ERBIN: variants seen among roughly 807,000 people sequenced by gnomAD.
ERBIN encodes the protein densin-180-like protein.
In ERBIN, 60 loss-of-function variants were observed where a neutral mutation model predicts 158.4. That is an observed-to-expected ratio of 0.38 (90% CI 0.31 to 0.47). ERBIN has a LOEUF of 0.47. ERBIN is among the 20% of genes least tolerant of loss of function. The pLI is 0.99. For synonymous variants in ERBIN, 594 were observed against 557.2 expected (o/e 1.07, Z -0.93); for missense variants, 1,610 against 1,648.0 (o/e 0.98, Z 0.40).
At position 66,078,755 on chromosome 5, in the gene ERBIN, T is replaced by A. The variant is rs1324205836; in HGVS notation, c.*225T>A. ...ATACCATATAAAACTTGTTAGGTTT[T>A]TAAACATAGCAATCAAGGCTACAAA... On this transcript the variant is annotated 3_prime_UTR_variant, in exon 26 of 26. Transcript: ENST00000284037. The A allele has an allele frequency of 4.2e-6, 2 of 472,918 alleles. No individual in the cohort carries two copies. Among genetic ancestry groups the A allele is most frequent in the Non-Finnish European group, 7.4e-6 (2 of 269,344 alleles). 29.3% of individuals were successfully genotyped at this position (472,918 alleles called of 1,614,324 possible).
chr5:66,056,916 ACT>A (rs1580489197), intron 21 of ERBIN, among the ~76,000 whole-genome samples: 2 of 151,986 alleles, frequency 1.3e-5, no homozygotes, highest in East Asian at 3.9e-4. Flanking sequence ...CGTTACCATA[ACT>A]CTACTGCATT....
chr5:66,067,222 C>G (rs1294888975), intron 21 of ERBIN, among the ~76,000 whole-genome samples: 1 of 152,106 alleles, frequency 6.6e-6, no homozygotes, highest in Non-Finnish European at 1.5e-5. Flanking sequence ...TTAGTCACTA[C>G]TTTAGATTTC....
chr5:66,054,941 A>T lies in ERBIN; in HGVS notation c.3623A>T (p.Lys1208Met). 1.3e-6 allele frequency: 2 copies of T among 1,570,522 alleles called. No homozygotes were observed. The highest frequency in any genetic ancestry group is 1.7e-6 in the Non-Finnish European group (2 of 1,159,366). Reference protein sequence around the residue: ...EQVLRHIEAKKLEKKHPQTSS... With the variant: ...EQVLRHIEAKMLEKKHPQTSS... The stretch of plus-strand genomic sequence containing the variant: ...GTACTTCGACATATTGAAGCCAAAA[A>T]GTTAGAAAAGGTAATTGAACATGAG... The change falls in exon 21 of 26, where the codon AAG becomes ATG. Residue 1208 changes from lysine (K) to methionine (M), a missense_variant. Lys to Met is a moderately conservative substitution (Grantham distance 95). Around this residue, in one of 2 missense-constraint regions of ERBIN, gnomAD observed 1,014 missense variants for 936.1 expected, o/e 1.08. Coordinates refer to ENST00000284037, the MANE Select transcript of ERBIN (RefSeq NM_001253697.2).
intron 4 of ERBIN, among the ~76,000 whole-genome samples, chr5:66,004,403 T>C (rs529957649): frequency 3.0e-4 from 46 of 152,168 alleles, no homozygotes; most frequent in African/African-American, 6.8e-4. Context: ...CGCGCGTGCG[T>C]GTGTGTATGT....
intron 14 of ERBIN, among the ~76,000 whole-genome samples, chr5:66,036,487 ACTTT>A (rs1473963238): frequency 2.0e-5 from 3 of 152,126 alleles, no homozygotes; most frequent in South Asian, 4.2e-4. Context: ...CTCACCTTAG[ACTTT>A]CTTTCAGGAA....
chr5:65,970,649 G>C (rs72770205), intron 1 of ERBIN, among the ~76,000 whole-genome samples: 20,295 of 152,192 alleles, frequency 0.13, 1,738 homozygotes, highest in South Asian at 0.28. Flanking sequence ...GTGCAGTCGT[G>C]AATCATAGCT....
At position 66,018,518 on chromosome 5, in the gene ERBIN, T is replaced by C. The variant is rs1231717745; in HGVS notation, c.534-2804T>C. Among the ~76,000 whole-genome samples the C allele has an allele frequency of 7.9e-3, 84 of 10,568 alleles. 36 individuals carry two copies. Among genetic ancestry groups the C allele is most frequent in the Non-Finnish European group, 0.012 (66 of 5,550 alleles). The allele number at this position is 10,568 out of a possible 152,430, so 6.9% of individuals were successfully genotyped here. On this transcript the variant is annotated intron_variant, in intron 7 of 25. Coordinates refer to ENST00000284037, the MANE Select transcript of ERBIN (RefSeq NM_001253697.2). ...TATATAATATATATTATATATTATATAATATATATTATATTATATAATATA... is the reference window on the plus strand; with the variant it reads ...TATATAATATATATTATATATTATACAATATATATTATATTATATAATATA...
intron 21 of ERBIN, among the ~76,000 whole-genome samples, chr5:66,070,770 A>G (rs947118877): frequency 6.6e-6 from 1 of 152,226 alleles, no homozygotes; most frequent in African/African-American, 2.4e-5. Flanking sequence ...GTTTGAACTA[A>G]CTGCACATGA....
intron 14 of ERBIN, among the ~76,000 whole-genome samples, chr5:66,033,748 C>T (rs576783314): frequency 3.9e-5 from 6 of 152,024 alleles, no homozygotes; most frequent in Non-Finnish European, 7.4e-5. Context: ...GCAGGAAAAG[C>T]GCAGGGATCC....
chr5:65,948,788 G>C (rs1746137755), intron 1 of ERBIN, among the ~76,000 whole-genome samples: 2 of 97,676 alleles, frequency 2.0e-5, no homozygotes, highest in Admixed American at 1.3e-4. Flanking sequence ...TTTTGAGACA[G>C]AGTCTCCCTC....
At chr5:66,020,615 A>G (rs969434607) in intron 7 of ERBIN, among the ~76,000 whole-genome samples, 12 of 152,002 alleles carry the variant, frequency 7.9e-5, no homozygotes, top group Admixed American at 7.2e-4. Flanking sequence ...ATTAGTTTCA[A>G]AGGGTACCTT....
rs1332644055 is a variant in ERBIN, at chr5:65,988,898, G to A, written c.-10+216G>A. 4.0e-5 allele frequency among the ~76,000 whole-genome samples: 6 copies of A among 148,518 alleles called. No individual in the cohort carries two copies. In the East Asian group the frequency reaches 7.9e-4, roughly 20 times the overall value. ...CTTGGGAGGCTGAGGTGGGAGGATC[G>A]CTTGAGCCTGGGAGATCGAGGCTGC... On this transcript the variant is annotated intron_variant, in intron 2 of 25. Coordinates refer to ENST00000284037, the MANE Select transcript of ERBIN (RefSeq NM_001253697.2).
At chr5:65,990,106 A>G (rs1408677876) in intron 2 of ERBIN, among the ~76,000 whole-genome samples, 1 of 152,234 alleles carries the variant, frequency 6.6e-6, no homozygotes, top group Non-Finnish European at 1.5e-5. Flanking sequence ...TTAGATGGAA[A>G]CATTTAATGT....
rs549645137 is a variant in ERBIN, at chr5:66,058,532, T to G, written c.3633+3581T>G. On this transcript the variant is annotated intron_variant, in intron 21 of 25. Coordinates refer to ENST00000284037, the MANE Select transcript of ERBIN (RefSeq NM_001253697.2). ...TTTCTTTTGCTGTGCAGAAGCTCTT[T>G]AGTTTAATTAGATCCCATTTGTCAA... Among the ~76,000 whole-genome samples the G allele has an allele frequency of 6.1e-3, 920 of 151,372 alleles. 11 individuals carry two copies. Among genetic ancestry groups the G allele is most frequent in the African/African-American group, 0.021 (876 of 40,858 alleles).
chr5:65,952,709 A>G (rs1215727331), intron 1 of ERBIN, among the ~76,000 whole-genome samples: 1 of 152,216 alleles, frequency 6.6e-6, no homozygotes, highest in African/African-American at 2.4e-5. Flanking sequence ...GACTTTACAG[A>G]TACCTTGTAT....
chr5:65,978,158 A>C (rs1016905971), intron 1 of ERBIN, among the ~76,000 whole-genome samples: 1 of 152,200 alleles, frequency 6.6e-6, no homozygotes, highest in Non-Finnish European at 1.5e-5. Context: ...TATGCTAGGA[A>C]CAGGTGAAAT....
In ERBIN at chr5:66,053,833, C is replaced by T. The variant is rs1428855455; in HGVS notation, c.2515C>T (p.His839Tyr). Residue 839 changes from histidine (H) to tyrosine (Y), a missense_variant, in exon 21 of 26, where the codon CAT (histidine) becomes TAT (tyrosine). His to Tyr is a moderately conservative substitution (Grantham distance 83). Transcript: ENST00000284037. ...CCAGTCTCCTAATAGGACTGAACCACATGACAGTGATTGTTCTGTTGACTT... is the reference window on the plus strand; with the variant it reads ...CCAGTCTCCTAATAGGACTGAACCATATGACAGTGATTGTTCTGTTGACTT... The part of the protein sequence containing the change: ...TSQSPNRTEP[H>Y]DSDCSVDLGI... The T allele has an allele frequency of 6.2e-7, 1 of 1,614,090 alleles. No homozygotes were observed. The highest frequency in any genetic ancestry group is 8.5e-7 in the Non-Finnish European group (1 of 1,180,014).
intron 9 of ERBIN, 34 bp downstream of exon 9, chr5:66,023,398 T>C (rs1580381698): frequency 2.8e-6 from 4 of 1,415,156 alleles, no homozygotes; most frequent in South Asian, 1.2e-5. Flanking sequence ...GCATCACTTA[T>C]TTCTGGCTCT....
intron 1 of ERBIN, among the ~76,000 whole-genome samples, chr5:65,957,473 G>A (rs916575113): frequency 3.3e-4 from 50 of 152,236 alleles, no homozygotes; most frequent in African/African-American, 1.1e-3. Flanking sequence ...ATCTTGCACC[G>A]CCCTTAATCC....
Sources: gnomAD v4.1 joint callset for allele counts (sites outside exome capture counted in the v4.1 genomes callset) on GRCh38, gnomAD v4.1.1 for gene constraint, gnomAD v4.1.1 regional missense constraint, MANE v1.5 for transcripts, NCBI Gene and HGNC (gene_info 2026-07-23, HGNC 2026-07-21) for gene names.